Variants in HTR3E observed in about 807,000 individuals in gnomAD.
HTR3E encodes the protein 5-hydroxytryptamine (serotonin) receptor 3, family member E.
A neutral mutation model predicts 38.0 loss-of-function variants in HTR3E; 38 were observed. That is an observed-to-expected ratio of 1.00 (90% CI 0.77 to 1.31). The LOEUF is 1.31. Ranked by LOEUF, HTR3E falls within the 50% of genes most tolerant of loss-of-function variation. The probability of loss-of-function intolerance (pLI) is 0.00; values close to 1 mark genes in which losing one functional copy is unlikely to be tolerated. For missense variants in HTR3E, 547 were observed against 585.2 expected (o/e 0.93, Z 0.67); for synonymous variants, 210 against 232.9 (o/e 0.90, Z 0.89).
chr3:184,105,095 A>T, intron 5 of HTR3E, 139 bp downstream of exon 5: 1 of 1,168,452 alleles, frequency 8.6e-7, no homozygotes, highest in Non-Finnish European at 1.2e-6. Flanking sequence ...TTTTCCATAA[A>T]GGCAGAACCC....
intron 1 of HTR3E, chr3:184,100,131 C>G: frequency 1.5e-6 from 2 of 1,334,428 alleles, no homozygotes; most frequent in South Asian, 4.1e-5. Flanking sequence ...TTCTTCATCT[C>G]ATCCCTGGGG....
chr3:184,105,169 CA>C, intron 5 of HTR3E, 97 bp from the exon 6 acceptor site: 6 of 1,381,600 alleles, frequency 4.3e-6, no homozygotes, highest in Non-Finnish European at 5.9e-6. Flanking sequence ...GGGAGGCACT[CA>C]AAAATATTTG....
chr3:184,100,633 G>A lies in HTR3E; in HGVS notation c.216G>A (p.Met72Ile). The change falls in exon 2 of 9, where the codon ATG (methionine) becomes ATA (isoleucine). Residue 72 changes from methionine to isoleucine, a missense_variant. Coordinates refer to ENST00000415389, the MANE Select transcript of HTR3E (RefSeq NM_001256613.2). The part of the protein sequence containing the change: ...VPTQVNISFA[M>I]SAILDVNEQL... ...CCCAAGTCAACATCTCCTTCGCGAT[G>A]TCTGCCATCCTAGATGTGGTGAGTG... is the stretch of plus-strand genomic sequence containing the variant. 6.2e-7 allele frequency: 1 copy of A among 1,613,932 alleles called. No individual in the cohort carries two copies.
At chr3:184,104,069 T>C in intron 3 of HTR3E, 113 bp from the exon 4 acceptor site, 1 of 668,800 alleles carries the variant, frequency 1.5e-6, no homozygotes, top group South Asian at 3.3e-5. Flanking sequence ...TACATAGATG[T>C]TTGTCACAGC....
At chr3:184,099,720 C>CAAAAA (rs1192532487) in intron 1 of HTR3E, among the ~76,000 whole-genome samples, 1,366 of 44,430 alleles carry the variant, frequency 0.031, 45 homozygotes, top group Non-Finnish European at 0.039. Context: ...GACTCCGTCT[C>CAAAAA]AAAAAAAAAA....
rs1426674169 is a variant in HTR3E at position 184,106,222 on chromosome 3, CCCACCCCTGCCTCGGTGGCT to C, written c.1025_1044del (p.Pro342LeufsTer22). 2.5e-6 allele frequency: 4 copies of C among 1,612,758 alleles called. No individual in the cohort carries two copies. The African/African-American group carries it at 5.3e-5, about 22-fold the overall frequency. On this transcript the variant is annotated frameshift_variant, in exon 8 of 9. Transcript: ENST00000415389. LOFTEE classifies it high-confidence loss of function. The surrounding 1 kb of genome is among the most constrained non-coding windows in gnomAD (Gnocchi z 4.1). ...TGCTGCACGTGGCCACCACCCAGCC[CCCACCCCTGCCTCGGTGGCT>C]CCACTCCCTGCTGCTCCACTGCAAC... is the stretch of plus-strand genomic sequence containing the variant.
intron 7 of HTR3E, 23 bp downstream of exon 7, chr3:184,105,992 G>A (rs1329641987): frequency 6.2e-7 from 1 of 1,613,090 alleles, no homozygotes; most frequent in African/African-American, 1.3e-5. Flanking sequence ...CCACCTTTTG[G>A]AAGAGAAGGG....
chr3:184,097,614 A>G lies in HTR3E; in HGVS notation c.67+18A>G. 1.3e-6 allele frequency: 2 copies of G among 1,527,774 alleles called. No individual in the cohort carries two copies. The highest frequency in any genetic ancestry group is 1.8e-6 in the Non-Finnish European group (2 of 1,139,380). The allele number at this position is 1,527,774 out of a possible 1,614,324, so 94.6% of individuals were successfully genotyped here. On this transcript the variant is annotated intron_variant, in intron 1 of 8. Transcript: ENST00000415389. ...GCTTCAAGGTAAGAAAGGAGCAATG[A>G]TGGGGGAAGGCGGAAGAAGGAGGAC...
chr3:184,106,283 T>C lies in HTR3E; in HGVS notation c.1081T>C (p.Cys361Arg). ...LLHCNSPGRC[C>R]PTAPQKENKG... is the part of the protein sequence containing the mutation. ...CCACTGCAACAGCCCGGGGAGATGCTGTCCCACTGCGCCCCAGAAGGAAAA... is the reference window on the plus strand; with the variant it reads ...CCACTGCAACAGCCCGGGGAGATGCCGTCCCACTGCGCCCCAGAAGGAAAA... Residue 361 changes from cysteine (C) to arginine (R), a missense_variant, in exon 8 of 9, where the codon TGT becomes CGT. Transcript: ENST00000415389. This position sits in a 1 kb window ranked among gnomAD's most constrained non-coding sequence, Gnocchi z 4.1. The C allele has an allele frequency of 2.5e-6, 4 of 1,613,278 alleles. No individual in the cohort carries two copies. The highest frequency in any genetic ancestry group is 2.5e-6 in the Non-Finnish European group (3 of 1,179,980).
intron 1 of HTR3E, among the ~76,000 whole-genome samples, chr3:184,099,806 A>G (rs1016791075): frequency 6.6e-6 from 1 of 152,166 alleles, no homozygotes; most frequent in Admixed American, 6.5e-5. Flanking sequence ...AAAGCCTCAA[A>G]CTAGAACGCT....
chr3:184,105,397 A>C lies in HTR3E; in HGVS notation c.690A>C (p.Gly230=), dbSNP rs1416773828. The C allele has an allele frequency of 6.2e-7, 1 of 1,613,608 alleles. No individual in the cohort carries two copies. Among genetic ancestry groups the C allele is most frequent in the Admixed American group, 1.7e-5 (1 of 59,820 alleles). The part of the protein sequence containing the change: ...LSKATAKLSR[G]GNLYDQIVFY... The stretch of plus-strand genomic sequence containing the variant: ...AGGCCACCGCAAAGTTGTCCAGGGG[A>C]GGCAACCTGTATGATCAGATCGTGT... Residue 230 remains glycine (G), a synonymous_variant, in exon 6 of 9, where the codon GGA becomes GGC. Transcript: ENST00000415389.
At chr3:184,101,601 TG>T in intron 3 of HTR3E, 72 bp downstream of exon 3, 3 of 1,205,862 alleles carry the variant, frequency 2.5e-6, no homozygotes, top group Non-Finnish European at 3.7e-6. Flanking sequence ...ATAATAATTA[TG>T]AATTTTTATG....
chr3:184,097,486 C>A lies in HTR3E; in HGVS notation c.-44C>A. 1 of 1,439,736 alleles carries A rather than the reference C, an allele frequency of 6.9e-7. No individual in the cohort carries two copies. Among genetic ancestry groups the A allele is most frequent in the Non-Finnish European group, 9.4e-7 (1 of 1,059,460 alleles). The allele number at this position is 1,439,736 out of a possible 1,614,324, so 89.2% of individuals were successfully genotyped here. ...CCTGTGCTGCTTTAATCTGGGCATT[C>A]CTGGGTCCCAGTACATGTTCAGAGA... On this transcript the variant is annotated 5_prime_UTR_variant, in exon 1 of 9. Coordinates refer to ENST00000415389, the MANE Select transcript of HTR3E (RefSeq NM_001256613.2).
intron 2 of HTR3E, 59 bp from the exon 3 acceptor site, chr3:184,101,426 G>A: frequency 1.1e-5 from 16 of 1,395,828 alleles, no homozygotes; most frequent in Non-Finnish European, 1.3e-5. Flanking sequence ...TGGGAAGTGG[G>A]GGAGATGGAA....
chr3:184,100,163 G>T, intron 1 of HTR3E: 1 of 1,412,454 alleles, frequency 7.1e-7, no homozygotes, highest in South Asian at 1.6e-5. Flanking sequence ...AGCAGCAGCA[G>T]ACAAACCTGG....
At chr3:184,099,877 G>A (rs1711910240) in intron 1 of HTR3E, among the ~76,000 whole-genome samples, 1 of 152,176 alleles carries the variant, frequency 6.6e-6, no homozygotes, top group Non-Finnish European at 1.5e-5. Context: ...GGTGAAAACA[G>A]GTGTGTTCTC....
Position 184,097,347 on chromosome 3 carries a change from C to G in HTR3E, c.-183C>G. 1 of 582,780 alleles carries G rather than the reference C, an allele frequency of 1.7e-6. No homozygotes were observed. The highest frequency in any genetic ancestry group is 2.1e-5 in the South Asian group (1 of 48,014). 36.1% of individuals were successfully genotyped at this position (582,780 alleles called of 1,614,324 possible). A position where few individuals can be genotyped will look rare whatever the true frequency, so the allele number is the denominator to read the frequency against. Reference sequence around the variant, plus strand: ...ACTAAGATAAAGTCTTAAAAGCAGACTGAACCTTAAGCATAGGCAAGAACA... The same window carrying G: ...ACTAAGATAAAGTCTTAAAAGCAGAGTGAACCTTAAGCATAGGCAAGAACA... On this transcript the variant is annotated 5_prime_UTR_variant, in exon 1 of 9. Coordinates refer to ENST00000415389, the MANE Select transcript of HTR3E (RefSeq NM_001256613.2).
chr3:184,106,922 C>T lies in HTR3E; in HGVS notation c.*229C>T. On this transcript the variant is annotated 3_prime_UTR_variant, in exon 9 of 9. Transcript: ENST00000415389. This position sits in a 1 kb window ranked among gnomAD's most constrained non-coding sequence, Gnocchi z 4.1. ...CAGTCCTACCATATGGTTCTAGGTC[C>T]CTCTTACGTCATCTGCATAGCAGAC... The T allele has an allele frequency of 1.8e-6, 1 of 567,038 alleles. No individual in the cohort carries two copies. The highest frequency in any genetic ancestry group is 2.9e-5 in the East Asian group (1 of 34,404). 35.1% of individuals were successfully genotyped at this position (567,038 alleles called of 1,614,324 possible).
At chr3:184,100,794 GAA>G (rs1431359007) in intron 2 of HTR3E, 143 bp downstream of exon 2, 1 of 1,213,248 alleles carries the variant, frequency 8.2e-7, no homozygotes, top group Admixed American at 2.5e-5. Context: ...GGATCTCAAA[GAA>G]GCTCTGTCCA....
Sources: allele counts gnomAD v4.1 joint callset (sites outside exome capture counted in the v4.1 genomes callset), GRCh38; gene constraint gnomAD v4.1.1; non-coding constraint Gnocchi (gnomAD v3.1); transcripts MANE v1.5; gene names NCBI Gene and HGNC (gene_info 2026-07-23, HGNC 2026-07-21).